ZEB2: variants seen among roughly 807,000 people sequenced by gnomAD.
ZEB2 encodes the protein zinc finger E-box binding homeobox 2, also known as zinc finger E-box-binding homeobox 2.
A neutral mutation model predicts 99.9 loss-of-function variants in ZEB2; 6 were observed. The observed-to-expected ratio is 0.06, with a 90% CI of 0.03 to 0.12. The LOEUF is 0.12. Among genes scored for constraint, ZEB2 ranks in the 10% least tolerant of loss-of-function variants. The pLI is 1.00. For missense variants in ZEB2, 969 were observed against 1,502.8 expected (o/e 0.64, Z 5.87); for synonymous variants, 517 against 542.5 (o/e 0.95, Z 0.65).
At chr2:144,471,971 T>C (rs1431416473) in intron 2 of ZEB2, among the ~76,000 whole-genome samples, 2 of 152,146 alleles carry the variant, frequency 1.3e-5, no homozygotes, top group African/African-American at 2.4e-5. Flanking sequence ...TATCTCCTGA[T>C]GTGAGATCTA....
intron 7 of ZEB2, 106 bp from the exon 8 acceptor site, chr2:144,400,376 G>T: frequency 8.1e-7 from 1 of 1,232,120 alleles, no homozygotes; most frequent in Non-Finnish European, 1.1e-6. Flanking sequence ...AACACAATGG[G>T]GTACCTCTAC....
intron 2 of ZEB2, among the ~76,000 whole-genome samples, chr2:144,447,486 T>A (rs1361430090): frequency 6.6e-6 from 1 of 152,138 alleles, no homozygotes; most frequent in Non-Finnish European, 1.5e-5. Flanking sequence ...CCTTACCACA[T>A]CCCCCAGTTA....
chr2:144,517,069 C>T (rs964461962), intron 2 of ZEB2, among the ~76,000 whole-genome samples: 20 of 149,986 alleles, frequency 1.3e-4, no homozygotes, highest in Non-Finnish European at 2.2e-4. Context: ...GGGTGCCTGA[C>T]GCTCACTTTG....
intron 2 of ZEB2, among the ~76,000 whole-genome samples, chr2:144,488,223 C>A (rs1431020655): frequency 1.3e-5 from 2 of 152,130 alleles, no homozygotes; most frequent in Non-Finnish European, 2.9e-5. Flanking sequence ...TTTAATTTAA[C>A]CATATTGATC....
At position 144,389,754 on chromosome 2, in the gene ZEB2, C is replaced by T. The variant is rs1573707880; in HGVS notation, c.3342G>A (p.Gln1114=). ...TELLMNRAYL[Q]SITPQGYSDS... is the part of the protein sequence containing the mutation. ...CAGAGTACCCCTGAGGGGTAATGCT[C>T]TGCAAGTAAGCCCGGTTCATCAGCA... is the stretch of plus-strand genomic sequence containing the variant. Residue 1114 remains glutamine (Q), a synonymous_variant, in exon 10 of 10, where the codon CAG becomes CAA. Transcript: ENST00000627532. This position sits in a 1 kb window ranked among gnomAD's most constrained non-coding sequence, Gnocchi z 6.8. 6.2e-7 allele frequency: 1 copy of T among 1,609,318 alleles called. No homozygotes were observed. The highest frequency in any genetic ancestry group is 2.2e-5 in the East Asian group (1 of 44,790).
chr2:144,460,821 A>G (rs1704182869), intron 2 of ZEB2, among the ~76,000 whole-genome samples: 1 of 152,152 alleles, frequency 6.6e-6, no homozygotes, highest in Admixed American at 6.6e-5. Context: ...AGAAACTGTC[A>G]TTTTGATAGA....
intron 2 of ZEB2, among the ~76,000 whole-genome samples, chr2:144,466,721 GGGCAGTGCTGAAGGTA>G (rs1389222602): frequency 6.6e-6 from 1 of 152,180 alleles, no homozygotes; most frequent in East Asian, 1.9e-4. Context: ...GAGTAAACCA[GGGCAGTGCTGAAGGTA>G]GGCGTCAGAA....
intron 4 of ZEB2, among the ~76,000 whole-genome samples, chr2:144,415,786 G>A (rs1220053046): frequency 6.6e-6 from 1 of 152,230 alleles, no homozygotes; most frequent in African/African-American, 2.4e-5. Flanking sequence ...GGATTATGGA[G>A]AAGAGCAGAC....
intron 2 of ZEB2, among the ~76,000 whole-genome samples, chr2:144,440,975 C>G (rs1703908333): frequency 6.7e-6 from 1 of 149,814 alleles, no homozygotes; most frequent in African/African-American, 2.5e-5. Context: ...TTTTTTGCCA[C>G]CCAAACTGCA....
intron 2 of ZEB2, chr2:144,512,215 T>C: frequency 7.8e-7 from 1 of 1,287,234 alleles, no homozygotes; most frequent in Non-Finnish European, 1.0e-6. Flanking sequence ...CACAAAATAG[T>C]GTCTACCTTG....
intron 4 of ZEB2, among the ~76,000 whole-genome samples, chr2:144,409,021 A>T (rs1703423328): frequency 6.6e-6 from 1 of 152,202 alleles, no homozygotes; most frequent in Non-Finnish European, 1.5e-5. Flanking sequence ...AAGAAGATTT[A>T]TGAAGAGAGA....
intron 2 of ZEB2, among the ~76,000 whole-genome samples, chr2:144,498,923 T>C (rs1256223373): frequency 6.6e-6 from 1 of 152,158 alleles, no homozygotes; most frequent in African/African-American, 2.4e-5. Flanking sequence ...AATGAATGAA[T>C]GAATAAAGAT....
At chr2:144,433,240 G>T (rs1427051473) in intron 2 of ZEB2, among the ~76,000 whole-genome samples, 1 of 152,130 alleles carries the variant, frequency 6.6e-6, no homozygotes, top group East Asian at 1.9e-4. Context: ...CAACTAAAGA[G>T]CAGTAATAAA....
At chr2:144,511,494 C>G in intron 2 of ZEB2, 1 of 1,280,466 alleles carries the variant, frequency 7.8e-7, no homozygotes, top group Non-Finnish European at 1.0e-6. Flanking sequence ...TGGCACATAG[C>G]TATTAAGGCA....
At chr2:144,517,795 G>A in intron 1 of ZEB2, 1 of 662,024 alleles carries the variant, frequency 1.5e-6, no homozygotes, top group Non-Finnish European at 2.7e-6. Context: ...TTGGGGTGAG[G>A]CGAGGTTTTC....
At chr2:144,422,290 CCTCCTAGGA>C (rs1703628583) in intron 4 of ZEB2, among the ~76,000 whole-genome samples, 1 of 152,162 alleles carries the variant, frequency 6.6e-6, no homozygotes, top group African/African-American at 2.4e-5. Context: ...CCAGAAATTG[CCTCCTAGGA>C]CTCTCTGATT....
chr2:144,492,352 C>A (rs1573797695), intron 2 of ZEB2, among the ~76,000 whole-genome samples: 2 of 152,136 alleles, frequency 1.3e-5, no homozygotes, highest in African/African-American at 4.8e-5. Flanking sequence ...GCAGAAGGAG[C>A]TCACTAAATG....
Position 144,468,955 on chromosome 2 carries a change from A to G in ZEB2, c.74-38929T>C, listed in dbSNP as rs144026709. 1.4e-4 allele frequency among the ~76,000 whole-genome samples: 21 copies of G among 151,870 alleles called. No individual in the cohort carries two copies. The East Asian group carries it at 4.1e-3, about 29-fold the overall frequency. Reference sequence around the variant, plus strand: ...GAGGACTTACCTTGATCATCCCTCAATTCATTCTATCAGTCACTCAACAAA... The same window carrying G: ...GAGGACTTACCTTGATCATCCCTCAGTTCATTCTATCAGTCACTCAACAAA... On this transcript the variant is annotated intron_variant, in intron 2 of 9. Coordinates refer to ENST00000627532, the MANE Select transcript of ZEB2 (RefSeq NM_014795.4).
intron 9 of ZEB2, among the ~76,000 whole-genome samples, chr2:144,391,197 C>A (rs545049429): frequency 6.6e-6 from 1 of 152,292 alleles, no homozygotes; most frequent in East Asian, 1.9e-4. Context: ...AATTAAATAT[C>A]TTTAATAATG....
Sources: allele counts gnomAD v4.1 joint callset (sites outside exome capture counted in the v4.1 genomes callset), GRCh38; gene constraint gnomAD v4.1.1; non-coding constraint Gnocchi (gnomAD v3.1); transcripts MANE v1.5; gene names NCBI Gene and HGNC (gene_info 2026-07-23, HGNC 2026-07-21).